PRTFDC1: variants seen among roughly 807,000 people sequenced by gnomAD.
PRTFDC1 encodes phosphoribosyltransferase domain-containing protein 1.
A neutral mutation model predicts 34.6 loss-of-function variants in PRTFDC1; 38 were observed. The ratio of observed to expected loss-of-function variants is 1.10; its 90% CI spans 0.85 to 1.44. PRTFDC1 has a LOEUF of 1.44. PRTFDC1 is among the 40% of genes most tolerant of loss of function. The pLI is 0.00. For missense variants in PRTFDC1, 270 were observed against 283.0 expected, an observed-to-expected ratio of 0.95 and a Z score of 0.33; for synonymous variants, 93 against 98.1, an observed-to-expected ratio of 0.95 and a Z score of 0.31.
chr10:24,874,219 C>A (rs1847923772), intron 3 of PRTFDC1, among the ~76,000 whole-genome samples: 1 of 152,036 alleles, frequency 6.6e-6, no homozygotes, highest in Non-Finnish European at 1.5e-5. Context: ...TGATTTTCTT[C>A]TTATGGGAAT....
intron 3 of PRTFDC1, among the ~76,000 whole-genome samples, chr10:24,923,279 G>A (rs187225040): frequency 8.2e-4 from 125 of 152,356 alleles, no homozygotes; most frequent in Middle Eastern, 3.4e-3. Context: ...CCGTCTGATA[G>A]CTCTGAAGAG....
intron 3 of PRTFDC1, among the ~76,000 whole-genome samples, chr10:24,874,683 A>G (rs1191618775): frequency 1.3e-5 from 2 of 152,232 alleles, no homozygotes; most frequent in Non-Finnish European, 2.9e-5. Context: ...GTTACCAAGC[A>G]AGTGTTACTT....
At chr10:24,890,140 C>T (rs1011149172) in intron 3 of PRTFDC1, among the ~76,000 whole-genome samples, 2 of 152,152 alleles carry the variant, frequency 1.3e-5, no homozygotes, top group East Asian at 1.9e-4. Flanking sequence ...AATTTGTTGG[C>T]GGAAGCCTGG....
chr10:24,883,111 TATA>T (rs1167200313), intron 3 of PRTFDC1, among the ~76,000 whole-genome samples: 1 of 148,298 alleles, frequency 6.7e-6, no homozygotes, highest in Non-Finnish European at 1.5e-5. Flanking sequence ...ATAAATGTAT[TATA>T]ATTATAAATA....
intron 3 of PRTFDC1, among the ~76,000 whole-genome samples, chr10:24,883,014 T>TACATATATACAAATATGTTTATATATAA (rs1848106015): frequency 6.7e-6 from 1 of 148,972 alleles, no homozygotes; most frequent in Non-Finnish European, 1.5e-5. Flanking sequence ...TATATGTAAT[T>TACATATATACAAATATGTTTATATATAA]ACATATATAC....
chr10:24,910,509 T>C (rs1287809073), intron 3 of PRTFDC1, among the ~76,000 whole-genome samples: 1 of 152,142 alleles, frequency 6.6e-6, no homozygotes, highest in Non-Finnish European at 1.5e-5. Flanking sequence ...ATAATCAATG[T>C]TGAGTGTGAG....
intron 4 of PRTFDC1, among the ~76,000 whole-genome samples, chr10:24,864,658 G>A (rs1269266332): frequency 3.3e-5 from 5 of 152,156 alleles, no homozygotes; most frequent in Admixed American, 3.3e-4. Flanking sequence ...CTACCATACA[G>A]TATAAACATA....
chr10:24,871,981 C>T lies in PRTFDC1; in HGVS notation c.405+17G>A. On this transcript the variant is annotated intron_variant, in intron 4 of 8. Coordinates refer to ENST00000320152, the MANE Select transcript of PRTFDC1 (RefSeq NM_020200.7). ...CCCAGACCTCAATGCGGTCTGAGCA[C>T]AGTTACATGAACAAACCTTTCCAGC... 6.3e-7 allele frequency: 1 copy of T among 1,596,996 alleles called. No individual in the cohort carries two copies. Among genetic ancestry groups the T allele is most frequent in the South Asian group, 1.1e-5 (1 of 90,672 alleles).
Position 24,849,771 on chromosome 10 carries a change from T to G in PRTFDC1, c.*73A>C. 6.7e-7 allele frequency: 1 copy of G among 1,490,320 alleles called. No homozygotes were observed. The highest frequency in any genetic ancestry group is 9.3e-7 in the Non-Finnish European group (1 of 1,070,140). The allele number at this position is 1,490,320 out of a possible 1,614,324, so 92.3% of individuals were successfully genotyped here. A position where few individuals can be genotyped will look rare whatever the true frequency, so the allele number is the denominator to read the frequency against. The stretch of plus-strand genomic sequence containing the variant: ...AGTGAAGATGCCTGGGGGGACAAAC[T>G]TGACAGCTGGCTTCCCAAGTACAGG... On this transcript the variant is annotated 3_prime_UTR_variant, in exon 9 of 9. Transcript: ENST00000320152.
chr10:24,908,560 T>C, intron 3 of PRTFDC1: 1 of 1,612,804 alleles, frequency 6.2e-7, no homozygotes, highest in Non-Finnish European at 8.5e-7. Context: ...GAATGAGCAC[T>C]TGGAGGTAAC....
At chr10:24,865,731 C>T (rs751590162) in intron 4 of PRTFDC1, among the ~76,000 whole-genome samples, 1 of 152,152 alleles carries the variant, frequency 6.6e-6, no homozygotes, top group Non-Finnish European at 1.5e-5. Flanking sequence ...TATTTTAGAG[C>T]ACACAGTGAT....
chr10:24,951,622 C>T, intron 1 of PRTFDC1: 1 of 985,202 alleles, frequency 1.0e-6, no homozygotes, highest in Non-Finnish European at 1.2e-6. Flanking sequence ...AAAGAGATGG[C>T]AAGTTAGCCC....
intron 3 of PRTFDC1, among the ~76,000 whole-genome samples, chr10:24,933,847 C>T (rs1022336445): frequency 1.3e-5 from 2 of 152,052 alleles, no homozygotes; most frequent in Non-Finnish European, 2.9e-5. Context: ...GTATCTGCCA[C>T]CATGCCTGGC....
chr10:24,915,583 G>A (rs1447626759), intron 3 of PRTFDC1, among the ~76,000 whole-genome samples: 5 of 152,174 alleles, frequency 3.3e-5, no homozygotes, highest in African/African-American at 4.8e-5. Flanking sequence ...AACCTGACTG[G>A]TTCTTTGTTC....
rs955382975 is a variant in PRTFDC1, at chr10:24,850,542, G to A, written c.631-651C>T. Reference sequence around the variant, plus strand: ...AGCTACTCAGGAGGCTGAGGCGGGAGGATCGCTTGAGCCTGGGAGTTCAAG... The same window carrying A: ...AGCTACTCAGGAGGCTGAGGCGGGAAGATCGCTTGAGCCTGGGAGTTCAAG... On this transcript the variant is annotated intron_variant, in intron 8 of 8. Coordinates refer to ENST00000320152, the MANE Select transcript of PRTFDC1 (RefSeq NM_020200.7). 2.0e-5 allele frequency among the ~76,000 whole-genome samples: 3 copies of A among 152,158 alleles called. No homozygotes were observed. In the South Asian group the frequency reaches 6.2e-4, roughly 32 times the overall value.
chr10:24,885,767 G>A (rs1331003310), intron 3 of PRTFDC1, among the ~76,000 whole-genome samples: 1 of 152,204 alleles, frequency 6.6e-6, no homozygotes, highest in Non-Finnish European at 1.5e-5. Context: ...GTAGGTGAAT[G>A]GATGAATGAG....
At chr10:24,851,211 C>G (rs891054218) in intron 8 of PRTFDC1, among the ~76,000 whole-genome samples, 177 bp downstream of exon 8, 8 of 152,146 alleles carry the variant, frequency 5.3e-5, no homozygotes, top group Non-Finnish European at 7.3e-5. Flanking sequence ...ATCCTGATAC[C>G]TACCCTGCAG....
At chr10:24,859,830 T>G (rs1291752135) in intron 4 of PRTFDC1, among the ~76,000 whole-genome samples, 1 of 152,198 alleles carries the variant, frequency 6.6e-6, no homozygotes, top group Non-Finnish European at 1.5e-5. Flanking sequence ...TGCCAGAAAC[T>G]AGCATAATGC....
intron 3 of PRTFDC1, among the ~76,000 whole-genome samples, chr10:24,932,929 G>A (rs1848991895): frequency 6.6e-6 from 1 of 152,052 alleles, no homozygotes; most frequent in Admixed American, 6.6e-5. Flanking sequence ...GAACAGATCT[G>A]ATAGTGTCCA....
Sources: gnomAD v4.1 joint callset for allele counts (sites outside exome capture counted in the v4.1 genomes callset) on GRCh38, gnomAD v4.1.1 for gene constraint, MANE v1.5 for transcripts, NCBI Gene and HGNC (gene_info 2026-07-23, HGNC 2026-07-21) for gene names.